Variants in MIDEAS observed in about 807,000 individuals in gnomAD.
The protein encoded by MIDEAS is mitotic deacetylase-associated SANT domain protein.
In MIDEAS, 26 loss-of-function variants were observed where a neutral mutation model predicts 102.7. The ratio of observed to expected loss-of-function variants is 0.25; its 90% CI spans 0.19 to 0.35. MIDEAS has a LOEUF of 0.35. MIDEAS is among the 10% of genes least tolerant of loss of function. The pLI is 1.00. For synonymous variants in MIDEAS, 585 were observed against 591.0 expected (o/e 0.99, Z 0.15); for missense variants, 1,231 against 1,435.6 (o/e 0.86, Z 2.30).
At chr14:73,751,900 CAAA>C in intron 1 of MIDEAS, among the ~76,000 whole-genome samples, 1 of 151,878 alleles carries the variant, frequency 6.6e-6, no homozygotes, top group African/African-American at 2.4e-5. Flanking sequence ...AACTCTGTCT[CAAA>C]AAAATAAATA....
chr14:73,750,558 G>A (rs1412530065), intron 1 of MIDEAS, among the ~76,000 whole-genome samples: 2 of 152,234 alleles, frequency 1.3e-5, no homozygotes, highest in South Asian at 4.1e-4. Context: ...AGGTGAGCTG[G>A]AGGCTGCAGG....
chr14:73,768,122 C>T (rs2053607383), intron 1 of MIDEAS, among the ~76,000 whole-genome samples: 2 of 152,048 alleles, frequency 1.3e-5, no homozygotes, highest in Admixed American at 6.6e-5. Context: ...ATCACACCGC[C>T]GCACTCAGCA....
chr14:73,761,351 G>A (rs932935718), upstream of MIDEAS, among the ~76,000 whole-genome samples: 1 of 152,152 alleles, frequency 6.6e-6, no homozygotes, highest in Non-Finnish European at 1.5e-5. Context: ...GCAAAACTTG[G>A]ATCTTCTGCC....
chr14:73,721,904 G>T (rs2140095984), intron 10 of MIDEAS, among the ~76,000 whole-genome samples: 1 of 152,194 alleles, frequency 6.6e-6, no homozygotes, highest in Non-Finnish European at 1.5e-5. Context: ...CTGCAAAATG[G>T]GCAGCAAACC....
rs766881415 is a variant in MIDEAS, at chr14:73,739,400, T to C, written c.609A>G (p.Ala203=). The change falls in exon 2 of 13, where the codon GCA becomes GCG. Residue 203 remains alanine (A), a synonymous_variant. Transcript: ENST00000423556. ...RPQAPLNSFH[A]AKKPPNQSLP... The stretch of plus-strand genomic sequence containing the variant: ...GTGACTGGTTTGGGGGTTTCTTGGC[T>C]GCGTGGAAAGAATTCAGGGGTGCCT... The C allele has an allele frequency of 1.9e-6, 3 of 1,580,392 alleles. No individual in the cohort carries two copies. The highest frequency in any genetic ancestry group is 2.6e-6 in the Non-Finnish European group (3 of 1,161,416).
chr14:73,718,917 C>T lies in MIDEAS; in HGVS notation c.3226G>A (p.Glu1076Lys), dbSNP rs2052939168. 1.3e-6 allele frequency: 2 copies of T among 1,525,414 alleles called. No homozygotes were observed. The highest frequency in any genetic ancestry group is 2.4e-5 in the South Asian group (2 of 83,044). 94.5% of individuals were successfully genotyped at this position (1,525,414 alleles called of 1,614,324 possible). A position where few individuals can be genotyped will look rare whatever the true frequency, so the allele number is the denominator to read the frequency against. Residue 1076 changes from glutamate (E) to lysine (K), a missense_variant, in exon 13 of 13, where the codon GAG becomes AAG. Transcript: ENST00000423556. ...KAAALRLKEK[E>K]AAAAAAAAHQ... Reference sequence around the variant, plus strand: ...GCGGCGGCGGCGGCAGCAGCGGCCTCTTTCTCCTTCAGCCTCAGCGCTGCA... The same window carrying T: ...GCGGCGGCGGCGGCAGCAGCGGCCTTTTTCTCCTTCAGCCTCAGCGCTGCA...
upstream of MIDEAS, chr14:73,787,578 A>G (rs868240824): frequency 6.6e-6 from 1 of 152,452 alleles, no homozygotes; most frequent in South Asian, 2.1e-4. Flanking sequence ...ACCAGTACAC[A>G]AACAAAGCGG....
At chr14:73,730,115 A>T (rs1465486363) in intron 3 of MIDEAS, 130 bp from the exon 4 acceptor site, 2 of 964,822 alleles carry the variant, frequency 2.1e-6, no homozygotes, top group East Asian at 2.6e-5. Flanking sequence ...GCAAGCCTGA[A>T]AAAAGGAGCA....
At position 73,742,872 on chromosome 14, in the gene MIDEAS, T is replaced by TA. The variant is rs1027799480; in HGVS notation, c.-247-2618dup. Reference sequence around the variant, plus strand: ...GAGGCACACCTAGGCAGCAGGGCACTAAGTAGTCATAGGAGTAATGATGAT... The same window carrying TA: ...GAGGCACACCTAGGCAGCAGGGCACTAAAGTAGTCATAGGAGTAATGATGAT... On this transcript the variant is annotated intron_variant, in intron 1 of 12. Transcript: ENST00000423556. The surrounding 1 kb of genome is among the most constrained non-coding windows in gnomAD (Gnocchi z 4.4). Among the ~76,000 whole-genome samples, 15 of 152,240 alleles carry TA rather than the reference T, an allele frequency of 9.9e-5. No individual in the cohort carries two copies. Among genetic ancestry groups the TA allele is most frequent in the African/African-American group, 3.6e-4 (15 of 41,538 alleles).
chr14:73,748,139 A>G (rs1595277084), intron 1 of MIDEAS, among the ~76,000 whole-genome samples: 1 of 152,236 alleles, frequency 6.6e-6, no homozygotes, highest in Non-Finnish European at 1.5e-5. Context: ...ATAGAAGAAC[A>G]AAAGAATAAA....
chr14:73,758,359 A>G (rs1046260499), intron 1 of MIDEAS, among the ~76,000 whole-genome samples: 1 of 152,308 alleles, frequency 6.6e-6, no homozygotes, highest in Non-Finnish European at 1.5e-5. Context: ...AGAGCAAGAC[A>G]GGTGGTTTCT....
chr14:73,719,745 G>A (rs1377417380), intron 11 of MIDEAS, among the ~76,000 whole-genome samples: 1 of 151,672 alleles, frequency 6.6e-6, no homozygotes, highest in Non-Finnish European at 1.5e-5. Flanking sequence ...CGAGCTGCTA[G>A]AGGCCTTGAT....
intron 1 of MIDEAS, among the ~76,000 whole-genome samples, chr14:73,768,702 T>A (rs944725227): frequency 1.2e-4 from 19 of 152,136 alleles, no homozygotes; most frequent in Non-Finnish European, 2.6e-4. Context: ...GCCAGGCTGG[T>A]CTCGAACTCC....
upstream of MIDEAS, among the ~76,000 whole-genome samples, chr14:73,763,045 C>T (rs57871854): frequency 6.0e-3 from 910 of 152,222 alleles, 16 homozygotes; most frequent in African/African-American, 0.021. Flanking sequence ...TAAAATCTTC[C>T]AAGGATGAGG....
rs1196737160 is a variant in MIDEAS, at chr14:73,716,091, G to A, written c.*2752C>T. On this transcript the variant is annotated 3_prime_UTR_variant, in exon 13 of 13. Coordinates refer to ENST00000423556, the MANE Select transcript of MIDEAS (RefSeq NM_001367710.1). ...GGAGGTGTTTATCACTTCTCAAGGA[G>A]CTCTGAATATAGGGGGAAAAAAACA... 6.6e-6 allele frequency: 1 copy of A among 152,586 alleles called. No homozygotes were observed. The highest frequency in any genetic ancestry group is 2.1e-4 in the South Asian group (1 of 4,830). 9.5% of individuals were successfully genotyped at this position (152,586 alleles called of 1,614,324 possible).
chr14:73,763,712 T>C (rs955305389), upstream of MIDEAS, among the ~76,000 whole-genome samples: 3 of 152,108 alleles, frequency 2.0e-5, no homozygotes, highest in Non-Finnish European at 4.4e-5. Context: ...CCTATTGTCG[T>C]TTCCCTCTAG....
At chr14:73,726,324 A>G (rs1424413209) in intron 7 of MIDEAS, among the ~76,000 whole-genome samples, 1 of 152,170 alleles carries the variant, frequency 6.6e-6, no homozygotes, top group Non-Finnish European at 1.5e-5. Context: ...CCATGGCCCC[A>G]AGGGAGGCAG....
intron 1 of MIDEAS, among the ~76,000 whole-genome samples, chr14:73,745,677 G>A (rs770472519): frequency 6.6e-6 from 1 of 152,076 alleles, no homozygotes; most frequent in Non-Finnish European, 1.5e-5. Flanking sequence ...CCTTCCCTCT[G>A]GACCCCATCT....
Position 73,737,176 on chromosome 14 carries a change from G to A in MIDEAS, c.1571C>T (p.Pro524Leu), listed in dbSNP as rs199865421. 6.2e-7 allele frequency: 1 copy of A among 1,614,094 alleles called. No individual in the cohort carries two copies. The highest frequency in any genetic ancestry group is 8.5e-7 in the Non-Finnish European group (1 of 1,180,004). ...KRAREDSGMV[P>L]LIIPVSVPVR... ...AGGCACAGACACTGGGATGATGAGG[G>A]GTACCATCCCACTGTCTTCTCGTGC... The change falls in exon 3 of 13, where the codon CCC (proline) becomes CTC (leucine). Residue 524 changes from proline (P) to leucine (L), a missense_variant. By Grantham distance (98) the Pro-to-Leu change is moderately conservative. This residue lies in a region of MIDEAS where 758 missense variants were observed against 856.0 expected (regional missense o/e 0.89). Coordinates refer to ENST00000423556, the MANE Select transcript of MIDEAS (RefSeq NM_001367710.1).
Sources: gnomAD v4.1 joint callset for allele counts (sites outside exome capture counted in the v4.1 genomes callset) on GRCh38, gnomAD v4.1.1 for gene constraint, gnomAD v4.1.1 regional missense constraint, Gnocchi (gnomAD v3.1) non-coding constraint, MANE v1.5 for transcripts, NCBI Gene and HGNC (gene_info 2026-07-23, HGNC 2026-07-21) for gene names.